Variants in VNN1 observed in about 807,000 individuals in gnomAD.
The protein encoded by VNN1 is vanin 1.
VNN1 carries 29 observed loss-of-function variants against 41.9 expected under a neutral mutation model. The ratio of observed to expected loss-of-function variants is 0.69; its 90% CI spans 0.52 to 0.94. VNN1 has a LOEUF of 0.94. VNN1 is among the 40% of genes least tolerant of loss of function. The pLI is 0.00. For synonymous variants in VNN1, 233 were observed against 224.4 expected, an observed-to-expected ratio of 1.04 and a Z score of -0.34; for missense variants, 637 against 621.1, an observed-to-expected ratio of 1.03 and a Z score of -0.27.
Position 132,684,327 on chromosome 6 carries a change from A to T in VNN1, c.1359+8T>A. 1 of 1,606,860 alleles carries T rather than the reference A, an allele frequency of 6.2e-7. No individual in the cohort carries two copies. The highest frequency in any genetic ancestry group is 8.5e-7 in the Non-Finnish European group (1 of 1,175,406). ...TGAAACTAATTGGCAATATTCGAAG[A>T]TTCTTACCTGAAATTCTCCAGGTGC... On this transcript the variant is annotated splice_region_variant and intron_variant, in intron 6 of 6. Coordinates refer to ENST00000367928, the MANE Select transcript of VNN1 (RefSeq NM_004666.3).
At chr6:132,709,696 A>T (rs1778571292) in intron 2 of VNN1, among the ~76,000 whole-genome samples, 1 of 151,700 alleles carries the variant, frequency 6.6e-6, no homozygotes, top group South Asian at 2.1e-4. Flanking sequence ...GACAGAGAGA[A>T]TTAAGGCAAG....
chr6:132,684,227 C>T, intron 6 of VNN1, 108 bp downstream of exon 6: 4 of 1,207,888 alleles, frequency 3.3e-6, no homozygotes, highest in South Asian at 3.3e-5. Flanking sequence ...TAATCTTAAC[C>T]TTTCTAAATG....
chr6:132,701,696 C>G (rs1343851870), intron 2 of VNN1, among the ~76,000 whole-genome samples: 6 of 152,172 alleles, frequency 3.9e-5, no homozygotes, highest in African/African-American at 1.4e-4. Context: ...AACCAAAAAT[C>G]AGAAGAGTAA....
chr6:132,689,774 A>T (rs1028124693), intron 5 of VNN1, among the ~76,000 whole-genome samples: 1 of 152,160 alleles, frequency 6.6e-6, no homozygotes, highest in Non-Finnish European at 1.5e-5. Flanking sequence ...CAATATTTCT[A>T]ATTCTAGTAT....
intron 1 of VNN1, among the ~76,000 whole-genome samples, chr6:132,713,281 G>T (rs1211531231): frequency 6.6e-6 from 1 of 152,172 alleles, no homozygotes; most frequent in Non-Finnish European, 1.5e-5. Context: ...TATACTGTAT[G>T]ATTAACTTCA....
intron 2 of VNN1, among the ~76,000 whole-genome samples, chr6:132,704,170 A>G (rs1176879436): frequency 2.6e-5 from 4 of 152,088 alleles, no homozygotes; most frequent in African/African-American, 7.2e-5. Context: ...AAAAAAAAAT[A>G]AAGAAACATT....
chr6:132,681,908 G>A lies in VNN1; in HGVS notation c.*1232C>T, dbSNP rs1778130041. On this transcript the variant is annotated 3_prime_UTR_variant, in exon 7 of 7. Transcript: ENST00000367928. ...ACTACTGCAAGTGCCTTGCTCTCCT[G>A]TGCAGAAGGGCATGCTTTGCACAGT... 1 of 152,566 alleles carries A rather than the reference G, an allele frequency of 6.6e-6. No individual in the cohort carries two copies. The highest frequency in any genetic ancestry group is 6.5e-5 in the Admixed American group (1 of 15,282). The allele number at this position is 152,566 out of a possible 1,614,324, so 9.5% of individuals were successfully genotyped here. A position where few individuals can be genotyped will look rare whatever the true frequency, so the allele number is the denominator to read the frequency against.
chr6:132,694,448 T>C (rs1227658819), intron 2 of VNN1, among the ~76,000 whole-genome samples: 1 of 152,228 alleles, frequency 6.6e-6, no homozygotes, highest in Non-Finnish European at 1.5e-5. Context: ...TCTATAGTCA[T>C]ATTTTCACTT....
At chr6:132,692,964 T>G (rs769825350) in intron 4 of VNN1, 60 bp downstream of exon 4, 1 of 1,488,498 alleles carries the variant, frequency 6.7e-7, no homozygotes, top group Non-Finnish European at 9.0e-7. Context: ...AAAAACATGT[T>G]TTTTTTTTCT....
At chr6:132,713,483 A>G (rs1261091402) in intron 1 of VNN1, among the ~76,000 whole-genome samples, 1 of 152,116 alleles carries the variant, frequency 6.6e-6, no homozygotes. Context: ...GGCCACTAAT[A>G]CTCTGAAAAT....
At chr6:132,692,894 G>C in intron 4 of VNN1, 130 bp downstream of exon 4, 2 of 1,101,084 alleles carry the variant, frequency 1.8e-6, no homozygotes, top group Non-Finnish European at 2.5e-6. Flanking sequence ...CATATTAACA[G>C]CTAGATGTTC....
At chr6:132,686,424 G>A (rs1778209537) in intron 5 of VNN1, among the ~76,000 whole-genome samples, 2 of 152,026 alleles carry the variant, frequency 1.3e-5, no homozygotes, top group South Asian at 4.1e-4. Flanking sequence ...CTCCAGCCTT[G>A]GCAACAGAAA....
At chr6:132,683,703 C>T (rs1778164012) in intron 6 of VNN1, among the ~76,000 whole-genome samples, 1 of 152,178 alleles carries the variant, frequency 6.6e-6, no homozygotes, top group Non-Finnish European at 1.5e-5. Flanking sequence ...CTGTCATCTC[C>T]TGTCTCTTGC....
chr6:132,710,512 T>A (rs1778584007), intron 2 of VNN1, among the ~76,000 whole-genome samples: 1 of 152,090 alleles, frequency 6.6e-6, no homozygotes, highest in Non-Finnish European at 1.5e-5. Context: ...CCTAATGCCA[T>A]CCCTCCCTTA....
At chr6:132,703,699 C>T (rs937713156) in intron 2 of VNN1, among the ~76,000 whole-genome samples, 1 of 151,978 alleles carries the variant, frequency 6.6e-6, no homozygotes, top group African/African-American at 2.4e-5. Context: ...TATGTCCTTA[C>T]TTAACAATAA....
At chr6:132,703,402 A>C (rs1778475351) in intron 2 of VNN1, among the ~76,000 whole-genome samples, 1 of 152,192 alleles carries the variant, frequency 6.6e-6, no homozygotes, top group Non-Finnish European at 1.5e-5. Flanking sequence ...AAAAATTAAA[A>C]GTATGGGGGA....
chr6:132,711,583 A>T lies in VNN1; in HGVS notation c.341+126T>A. On this transcript the variant is annotated intron_variant, in intron 2 of 6. Transcript: ENST00000367928. ...CTCCCAGTAAATATACCCATAGTAG[A>T]TGAAAAATAAGCTATACTGAAACTT... 6 of 1,122,570 alleles carry T rather than the reference A, an allele frequency of 5.3e-6. No individual in the cohort carries two copies. In the South Asian group the frequency reaches 9.4e-5, roughly 18 times the overall value. 69.5% of individuals were successfully genotyped at this position (1,122,570 alleles called of 1,614,324 possible). A position where few individuals can be genotyped will look rare whatever the true frequency, so the allele number is the denominator to read the frequency against.
chr6:132,700,317 A>C (rs975958705), intron 2 of VNN1, among the ~76,000 whole-genome samples: 1 of 152,168 alleles, frequency 6.6e-6, no homozygotes, highest in Non-Finnish European at 1.5e-5. Context: ...ATTTAAAAAA[A>C]AATTTTCAGA....
chr6:132,713,811 T>A lies in VNN1; in HGVS notation c.210+15A>T, dbSNP rs767722174. 2 of 1,612,030 alleles carry A rather than the reference T, an allele frequency of 1.2e-6. No homozygotes were observed. Among genetic ancestry groups the A allele is most frequent in the Non-Finnish European group, 1.7e-6 (2 of 1,179,800 alleles). The stretch of plus-strand genomic sequence containing the variant: ...CATAGAATCCAGTACACTGGAGAGA[T>A]GGTAGAGATGGTACCTGATCTGCTG... On this transcript the variant is annotated intron_variant, in intron 1 of 6. Transcript: ENST00000367928.
Sources: gnomAD v4.1 joint callset for allele counts (sites outside exome capture counted in the v4.1 genomes callset) on GRCh38, gnomAD v4.1.1 for gene constraint, MANE v1.5 for transcripts, NCBI Gene and HGNC (gene_info 2026-07-23, HGNC 2026-07-21) for gene names.